Variants in KCNB2 observed in about 807,000 individuals in gnomAD.
The protein encoded by KCNB2 is delayed rectifier potassium channel protein.
In KCNB2, 15 loss-of-function variants were observed where a neutral mutation model predicts 61.5. The observed-to-expected ratio is 0.24, with a 90% CI of 0.16 to 0.38. The LOEUF (loss-of-function observed/expected upper bound fraction) is 0.38. Ranked by LOEUF, KCNB2 falls within the 10% of genes least tolerant of loss-of-function variation. The probability of loss-of-function intolerance (pLI) is 1.00; values close to 1 mark genes in which losing one functional copy is unlikely to be tolerated. For missense variants in KCNB2, 828 were observed against 1,125.2 expected, an observed-to-expected ratio of 0.74 and a Z score of 3.78; for synonymous variants, 457 against 446.0, an observed-to-expected ratio of 1.02 and a Z score of -0.31.
At chr8:72,671,428 T>C (rs1806563973) in intron 2 of KCNB2, among the ~76,000 whole-genome samples, 2 of 152,202 alleles carry the variant, frequency 1.3e-5, no homozygotes, top group African/African-American at 4.8e-5. Context: ...ACAACTACTC[T>C]GTATTAGGCA....
intron 2 of KCNB2, among the ~76,000 whole-genome samples, chr8:72,927,764 C>A (rs1215642468): frequency 6.6e-6 from 1 of 152,182 alleles, no homozygotes; most frequent in Non-Finnish European, 1.5e-5. Flanking sequence ...ATGCAGCAGT[C>A]CTGAAATAAT....
At chr8:72,888,170 A>G (rs1805837067) in intron 2 of KCNB2, among the ~76,000 whole-genome samples, 2 of 152,140 alleles carry the variant, frequency 1.3e-5, no homozygotes, top group African/African-American at 4.8e-5. Flanking sequence ...TGGTGCAATC[A>G]TAGCTTACTG....
intron 2 of KCNB2, among the ~76,000 whole-genome samples, chr8:72,597,356 A>G (rs1383758766): frequency 6.6e-6 from 1 of 152,010 alleles, no homozygotes; most frequent in African/African-American, 2.4e-5. Context: ...TTTATAAATG[A>G]CAGGATCAAC....
At chr8:72,687,599 A>G (rs1563559719) in intron 2 of KCNB2, among the ~76,000 whole-genome samples, 1 of 152,202 alleles carries the variant, frequency 6.6e-6, no homozygotes, top group East Asian at 1.9e-4. Flanking sequence ...TAGTCTAAGT[A>G]GTGTGCCGTT....
intron 2 of KCNB2, among the ~76,000 whole-genome samples, chr8:72,759,433 T>C (rs2128996333): frequency 6.6e-6 from 1 of 152,306 alleles, no homozygotes; most frequent in Non-Finnish European, 1.5e-5. Flanking sequence ...TTGCTGTATG[T>C]TAATAGGTGG....
At chr8:72,825,502 T>C (rs566250165) in intron 2 of KCNB2, among the ~76,000 whole-genome samples, 15 of 152,354 alleles carry the variant, frequency 9.8e-5, no homozygotes, top group African/African-American at 3.6e-4. Context: ...CACCATGTTA[T>C]GTTCACCCCA....
At chr8:72,644,530 A>G (rs915952977) in intron 2 of KCNB2, among the ~76,000 whole-genome samples, 12 of 152,146 alleles carry the variant, frequency 7.9e-5, no homozygotes, top group Admixed American at 3.9e-4. Context: ...AAGCCTTGCA[A>G]AATTGGAGCT....
chr8:72,917,517 C>G (rs1347885499), intron 2 of KCNB2, among the ~76,000 whole-genome samples: 1 of 152,100 alleles, frequency 6.6e-6, no homozygotes, highest in African/African-American at 2.4e-5. Context: ...GTCAGTAAAT[C>G]AACTCCATTT....
chr8:72,664,467 G>T (rs1208398413), intron 2 of KCNB2, among the ~76,000 whole-genome samples: 1 of 152,188 alleles, frequency 6.6e-6, no homozygotes, highest in African/African-American at 2.4e-5. Context: ...CATCATCTCT[G>T]GTTCGATTAA....
At chr8:72,752,721 A>G (rs1430709212) in intron 2 of KCNB2, among the ~76,000 whole-genome samples, 1 of 152,208 alleles carries the variant, frequency 6.6e-6, no homozygotes, top group Admixed American at 6.5e-5. Context: ...ATATGCATAT[A>G]TCGATATAGA....
At chr8:72,656,587 A>G (rs1806295818) in intron 2 of KCNB2, among the ~76,000 whole-genome samples, 1 of 152,194 alleles carries the variant, frequency 6.6e-6, no homozygotes, top group Non-Finnish European at 1.5e-5. Context: ...CTGTTTTGTT[A>G]TATGAAAAAT....
intron 2 of KCNB2, among the ~76,000 whole-genome samples, chr8:72,807,649 C>CA (rs1370995141): frequency 6.6e-6 from 1 of 152,232 alleles, no homozygotes; most frequent in Non-Finnish European, 1.5e-5. Context: ...CACTGTGTCC[C>CA]AAAAAACTGC....
chr8:72,655,457 TAATA>T (rs1384543165), intron 2 of KCNB2, among the ~76,000 whole-genome samples: 1 of 151,958 alleles, frequency 6.6e-6, no homozygotes, highest in South Asian at 2.1e-4. Context: ...ATAAATAAAT[TAATA>T]AATAAATAAA....
chr8:72,652,194 A>C (rs1248397771), intron 2 of KCNB2, among the ~76,000 whole-genome samples: 1 of 152,150 alleles, frequency 6.6e-6, no homozygotes, highest in African/African-American at 2.4e-5. Flanking sequence ...TATTGGTATA[A>C]TATACTCTTT....
chr8:72,917,112 T>C (rs967907475), intron 2 of KCNB2, among the ~76,000 whole-genome samples: 1 of 152,224 alleles, frequency 6.6e-6, no homozygotes, highest in Non-Finnish European at 1.5e-5. Flanking sequence ...TCTGTCCCTA[T>C]CAGTTTCTAG....
Position 72,843,069 on chromosome 8 carries a change from A to G in KCNB2, c.580-92866A>G, listed in dbSNP as rs150899612. ...ATCTTTCCCTCTTTCTCCTGTGGGC[A>G]TTTAGTGCTGTAAATTTCCCTCTAA... is the stretch of plus-strand genomic sequence containing the variant. On this transcript the variant is annotated intron_variant, in intron 2 of 2. Transcript: ENST00000523207. Among the ~76,000 whole-genome samples, 294 of 152,132 alleles carry G rather than the reference A, an allele frequency of 1.9e-3. 2 individuals carry two copies. The highest frequency in any genetic ancestry group is 0.015 in the East Asian group (76 of 5,180).
intron 2 of KCNB2, among the ~76,000 whole-genome samples, chr8:72,847,507 T>G (rs554184522): frequency 2.6e-5 from 4 of 152,234 alleles, no homozygotes; most frequent in Non-Finnish European, 4.4e-5. Context: ...TCCCAGATAT[T>G]CGTTAACTCA....
intron 2 of KCNB2, among the ~76,000 whole-genome samples, chr8:72,759,386 G>C (rs992699250): frequency 6.6e-5 from 10 of 152,144 alleles, no homozygotes; most frequent in African/African-American, 2.4e-4. Context: ...GGTAATCTGG[G>C]AAGAATCCTG....
chr8:72,637,711 C>T (rs1031132695), intron 2 of KCNB2, among the ~76,000 whole-genome samples: 2 of 152,148 alleles, frequency 1.3e-5, no homozygotes, highest in African/African-American at 4.8e-5. Flanking sequence ...ATGCAAATCA[C>T]ATTTAACAGA....
Sources: gnomAD v4.1 joint callset for allele counts (sites outside exome capture counted in the v4.1 genomes callset) on GRCh38, gnomAD v4.1.1 for gene constraint, MANE v1.5 for transcripts, NCBI Gene and HGNC (gene_info 2026-07-23, HGNC 2026-07-21) for gene names.